Variants in STX8 observed in about 807,000 individuals in gnomAD.
The protein encoded by STX8 is syntaxin-8.
Under a neutral mutation model 37.5 loss-of-function variants are expected in STX8, and 23 were observed. The observed-to-expected ratio is 0.61, with a 90% CI of 0.44 to 0.87. The LOEUF is 0.87. STX8 is among the 40% of genes least tolerant of loss of function. The pLI is 0.00. For missense variants in STX8, 313 were observed against 284.7 expected (o/e 1.10, Z -0.71); for synonymous variants, 115 against 99.1 (o/e 1.16, Z -0.95).
chr17:9,413,795 TG>T (rs746753050), intron 6 of STX8, among the ~76,000 whole-genome samples: 3 of 152,172 alleles, frequency 2.0e-5, no homozygotes, highest in Non-Finnish European at 4.4e-5. Flanking sequence ...GATGGAGGGC[TG>T]TGCTCGTGTA....
At chr17:9,529,206 A>T (rs1288994107) in intron 4 of STX8, among the ~76,000 whole-genome samples, 1 of 151,928 alleles carries the variant, frequency 6.6e-6, no homozygotes, top group African/African-American at 2.4e-5. Context: ...CCTTCTGTTG[A>T]CTTACATCTC....
intron 6 of STX8, among the ~76,000 whole-genome samples, chr17:9,478,274 T>C (rs1464930323): frequency 6.6e-6 from 1 of 152,182 alleles, no homozygotes. Context: ...TAGCTGGGAT[T>C]ACAGGCGTGC....
intron 7 of STX8, among the ~76,000 whole-genome samples, chr17:9,259,293 C>G (rs1207069519): frequency 6.6e-6 from 1 of 152,140 alleles, no homozygotes; most frequent in Non-Finnish European, 1.5e-5. Flanking sequence ...TAAATGGTAA[C>G]TCTCCCAACA....
intron 7 of STX8, among the ~76,000 whole-genome samples, chr17:9,270,649 TA>T (rs1907421659): frequency 6.6e-6 from 1 of 152,156 alleles, no homozygotes; most frequent in Admixed American, 6.5e-5. Context: ...AAATATGTGT[TA>T]AAGAAATGAA....
intron 4 of STX8, 106 bp from the exon 5 acceptor site, chr17:9,505,268 A>C: frequency 7.6e-7 from 1 of 1,311,448 alleles, no homozygotes; most frequent in Non-Finnish European, 1.0e-6. Flanking sequence ...TTGAAAATTC[A>C]ATTCAAACAC....
chr17:9,389,740 T>C (rs1597641680), intron 6 of STX8, among the ~76,000 whole-genome samples: 1 of 150,686 alleles, frequency 6.6e-6, no homozygotes, highest in East Asian at 1.9e-4. Flanking sequence ...TTTGCTTATG[T>C]TCTTAATAAT....
At chr17:9,448,543 GT>G (rs1567565352) in intron 6 of STX8, among the ~76,000 whole-genome samples, 1 of 100,646 alleles carries the variant, frequency 9.9e-6, no homozygotes, top group African/African-American at 3.7e-5. Flanking sequence ...TGCAATGTGC[GT>G]TACGGAGAAA....
At chr17:9,546,596 T>TTTTTG (rs1555536192) in intron 3 of STX8, among the ~76,000 whole-genome samples, 3 of 121,644 alleles carry the variant, frequency 2.5e-5, no homozygotes, top group Non-Finnish European at 5.1e-5. Context: ...AAGTGGTTTT[T>TTTTTG]TTTTTTTTTT....
At chr17:9,475,952 C>T (rs368175929) in intron 6 of STX8, among the ~76,000 whole-genome samples, 44 of 152,262 alleles carry the variant, frequency 2.9e-4, no homozygotes, top group Admixed American at 5.2e-4. Flanking sequence ...AGGTCAAGGT[C>T]GGCGGATCAC....
chr17:9,524,220 A>G (rs569589028), intron 4 of STX8, among the ~76,000 whole-genome samples: 72 of 152,338 alleles, frequency 4.7e-4, no homozygotes, highest in African/African-American at 1.6e-3. Context: ...ATTTCTACCC[A>G]CTTGCGGTAT....
At chr17:9,513,813 T>C (rs142630347) in intron 4 of STX8, among the ~76,000 whole-genome samples, 2 of 152,200 alleles carry the variant, frequency 1.3e-5, no homozygotes, top group African/African-American at 4.8e-5. Flanking sequence ...GTGGTATACA[T>C]ACACAACGGA....
At chr17:9,537,499 G>A (rs185510566) in intron 4 of STX8, among the ~76,000 whole-genome samples, 6 of 152,238 alleles carry the variant, frequency 3.9e-5, no homozygotes, top group East Asian at 3.9e-4. Flanking sequence ...GACTTTACAC[G>A]AGGCAGGCAA....
chr17:9,505,500 C>CAGTG (rs953832296), intron 4 of STX8, among the ~76,000 whole-genome samples: 1 of 152,174 alleles, frequency 6.6e-6, no homozygotes, highest in Admixed American at 6.5e-5. Flanking sequence ...GAAGGCCGAA[C>CAGTG]AGCGGCCTTT....
intron 6 of STX8, among the ~76,000 whole-genome samples, chr17:9,396,822 T>TAC (rs371285377): frequency 1.1e-3 from 169 of 151,854 alleles, no homozygotes; most frequent in African/African-American, 3.6e-3. Flanking sequence ...TTAATGAATG[T>TAC]ACATTAAAAA....
chr17:9,463,323 G>C (rs532694900), intron 6 of STX8, among the ~76,000 whole-genome samples: 7 of 152,302 alleles, frequency 4.6e-5, no homozygotes, highest in African/African-American at 1.7e-4. Context: ...TCCTGGAACA[G>C]AGTGAGCACC....
At chr17:9,426,474 C>T (rs578254605) in intron 6 of STX8, among the ~76,000 whole-genome samples, 1 of 152,284 alleles carries the variant, frequency 6.6e-6, no homozygotes, top group Admixed American at 6.5e-5. Flanking sequence ...TTGCAGTGAG[C>T]CAAGATCGTG....
intron 6 of STX8, among the ~76,000 whole-genome samples, chr17:9,457,278 AG>A (rs1306515146): frequency 6.6e-6 from 1 of 152,236 alleles, no homozygotes; most frequent in Non-Finnish European, 1.5e-5. Context: ...CGTGTCAGAA[AG>A]GCTGTCTTCC....
At chr17:9,355,548 G>A (rs1411993423) in intron 7 of STX8, among the ~76,000 whole-genome samples, 3 of 149,870 alleles carry the variant, frequency 2.0e-5, no homozygotes, top group Non-Finnish European at 4.4e-5. Flanking sequence ...TGTCGCCCAG[G>A]CTGGAGTGCA....
chr17:9,294,288 G>T lies in STX8; in HGVS notation c.644-43643C>A, dbSNP rs373217931. On this transcript the variant is annotated intron_variant, in intron 7 of 7. Transcript: ENST00000306357. Reference sequence around the variant, plus strand: ...ATGAAGTCTGGCTGGAAGGCCTAATGGTGATAAAGTGAAAGAGGAAGAGAA... The same window carrying T: ...ATGAAGTCTGGCTGGAAGGCCTAATTGTGATAAAGTGAAAGAGGAAGAGAA... 8.5e-5 allele frequency among the ~76,000 whole-genome samples: 13 copies of T among 152,298 alleles called. 1 individual carries two copies. The East Asian group carries it at 2.5e-3, about 29-fold the overall frequency.
Sources: allele counts gnomAD v4.1 joint callset (sites outside exome capture counted in the v4.1 genomes callset), GRCh38; gene constraint gnomAD v4.1.1; transcripts MANE v1.5; gene names NCBI Gene and HGNC (gene_info 2026-07-23, HGNC 2026-07-21).